The following TTC7B variants were observed in gnomAD, a reference collection of about 807,000 sequenced individuals.
TTC7B encodes the protein tetratricopeptide repeat domain 7B.
In TTC7B, 28 loss-of-function variants were observed where a neutral mutation model predicts 106.8. The ratio of observed to expected loss-of-function variants is 0.26; its 90% CI spans 0.19 to 0.36. TTC7B has a LOEUF of 0.36. Ranked by LOEUF, TTC7B falls within the 10% of genes least tolerant of loss-of-function variation. The probability of loss-of-function intolerance (pLI) is 1.00; values close to 1 mark genes in which losing one functional copy is unlikely to be tolerated. For synonymous variants in TTC7B, 405 were observed against 430.6 expected (o/e 0.94, Z 0.74); for missense variants, 862 against 1,076.4 (o/e 0.80, Z 2.79).
chr14:90,616,119 T>G (rs551884031), intron 16 of TTC7B, among the ~76,000 whole-genome samples: 1 of 152,238 alleles, frequency 6.6e-6, no homozygotes, highest in African/African-American at 2.4e-5. Context: ...TGTGGGGAAC[T>G]GAGGGGAAAT....
At chr14:90,812,385 T>C (rs1050244395) in intron 1 of TTC7B, among the ~76,000 whole-genome samples, 2 of 152,190 alleles carry the variant, frequency 1.3e-5, no homozygotes, top group African/African-American at 4.8e-5. Flanking sequence ...GAAGCTGATG[T>C]GCAGCTCTGT....
chr14:90,793,886 G>A (rs1354012690), intron 1 of TTC7B, among the ~76,000 whole-genome samples: 1 of 151,272 alleles, frequency 6.6e-6, no homozygotes, highest in Admixed American at 6.6e-5. Flanking sequence ...GGGATTATAG[G>A]CGTGAGCCAC....
At position 90,578,347 on chromosome 14, in the gene TTC7B, C is replaced by T. The variant is rs751174822; in HGVS notation, c.2108-39G>A. On this transcript the variant is annotated intron_variant, in intron 18 of 19. Coordinates refer to ENST00000328459, the MANE Select transcript of TTC7B (RefSeq NM_001010854.2). The surrounding 1 kb of genome is among the most constrained non-coding windows in gnomAD (Gnocchi z 4.7). ...GCAACGGCACATGCTTTCCTGGTGC[C>T]CCTCTGAGGCCCTGCGAGCAGCCAC... The T allele has an allele frequency of 1.0e-5, 16 of 1,591,738 alleles. No homozygotes were observed. The highest frequency in any genetic ancestry group is 1.3e-5 in the Non-Finnish European group (15 of 1,167,468).
Position 90,816,336 on chromosome 14 carries a change from A to ACCG in TTC7B, c.-44_-42dup, listed in dbSNP as rs1441473120. 19 of 946,734 alleles carry ACCG rather than the reference A, an allele frequency of 2.0e-5. No individual in the cohort carries two copies. The East Asian group carries it at 8.6e-4, about 43-fold the overall frequency. The allele number at this position is 946,734 out of a possible 1,614,324, so 58.6% of individuals were successfully genotyped here. On this transcript the variant is annotated 5_prime_UTR_variant, in exon 1 of 20. Coordinates refer to ENST00000328459, the MANE Select transcript of TTC7B (RefSeq NM_001010854.2). The stretch of plus-strand genomic sequence containing the variant: ...CCCGGCCGCCCGCCCCGCAGGCCCC[A>ACCG]CCGCCGCCGCCGCGGCGCCCCCTCG...
At chr14:90,748,585 C>T (rs7153915) in intron 3 of TTC7B, among the ~76,000 whole-genome samples, 6,181 of 152,142 alleles carry the variant, frequency 0.041, 334 homozygotes, top group African/African-American at 0.13. Context: ...TGTTGGCCTC[C>T]CAAAGTGCTG....
chr14:90,632,617 A>G (rs1184127498), intron 15 of TTC7B, among the ~76,000 whole-genome samples: 2 of 152,160 alleles, frequency 1.3e-5, no homozygotes, highest in African/African-American at 4.8e-5. Context: ...GTAATCCCCA[A>G]CATCTAGCAT....
chr14:90,791,818 C>A (rs1233620139), intron 1 of TTC7B, among the ~76,000 whole-genome samples: 1 of 151,996 alleles, frequency 6.6e-6, no homozygotes, highest in African/African-American at 2.4e-5. Context: ...ATCCCCAACA[C>A]CAGGAGCTGC....
intron 5 of TTC7B, among the ~76,000 whole-genome samples, chr14:90,709,600 T>C (rs546821280): frequency 1.3e-5 from 2 of 151,032 alleles, no homozygotes; most frequent in Non-Finnish European, 3.0e-5. Context: ...GACGAGTTAA[T>C]GGGTGCAGCA....
intron 19 of TTC7B, among the ~76,000 whole-genome samples, chr14:90,557,736 C>T (rs930625429): frequency 6.6e-6 from 1 of 152,262 alleles, no homozygotes; most frequent in Non-Finnish European, 1.5e-5. Flanking sequence ...TGCTCTGGTG[C>T]TGCCTGGGGT....
At position 90,786,298 on chromosome 14, in the gene TTC7B, G is replaced by C; in HGVS notation, c.152C>G (p.Ser51Trp). ...TTCCTTCAGGTACTGCTCCAGCTTC[G>C]ACTCCCCGAGGAGAAGCTCTGCCAT... ...DDMAELLLGE[S>W]KLEQYLKEHP... The change falls in exon 2 of 20, where the codon TCG (serine) becomes TGG (tryptophan). Residue 51 changes from serine to tryptophan, a missense_variant. Coordinates refer to ENST00000328459, the MANE Select transcript of TTC7B (RefSeq NM_001010854.2). 1 of 1,613,222 alleles carries C rather than the reference G, an allele frequency of 6.2e-7. No homozygotes were observed. Among genetic ancestry groups the C allele is most frequent in the Non-Finnish European group, 8.5e-7 (1 of 1,179,660 alleles).
At chr14:90,601,834 T>C (rs1285001575) in intron 17 of TTC7B, among the ~76,000 whole-genome samples, 1 of 152,092 alleles carries the variant, frequency 6.6e-6, no homozygotes, top group African/African-American at 2.4e-5. Flanking sequence ...ATAAGGGCGG[T>C]GTACATAGAA....
chr14:90,810,043 G>T (rs955172976), intron 1 of TTC7B, among the ~76,000 whole-genome samples: 35 of 152,182 alleles, frequency 2.3e-4, no homozygotes, highest in Non-Finnish European at 8.8e-5. Context: ...CTTACCTACA[G>T]TTTCTGAAAT....
intron 19 of TTC7B, among the ~76,000 whole-genome samples, chr14:90,552,513 G>GCCA (rs1890129798): frequency 6.6e-6 from 1 of 152,178 alleles, no homozygotes; most frequent in Non-Finnish European, 1.5e-5. Flanking sequence ...CTGTCACCAG[G>GCCA]TGGCCTCCAA....
At chr14:90,768,509 T>C (rs1275444298) in intron 3 of TTC7B, among the ~76,000 whole-genome samples, 1 of 152,142 alleles carries the variant, frequency 6.6e-6, no homozygotes, top group Non-Finnish European at 1.5e-5. Context: ...GGAATACAGA[T>C]CCCTCCCTCA....
chr14:90,697,379 G>A (rs1887797027), intron 5 of TTC7B: 1 of 147,364 alleles, frequency 6.8e-6, no homozygotes, highest in African/African-American at 2.7e-5. Context: ...GCCTGCTCAA[G>A]CTCACAGGCC....
In TTC7B at chr14:90,619,984, T is replaced by C. The variant is rs533839732; in HGVS notation, c.1752-1939A>G. On this transcript the variant is annotated intron_variant, in intron 15 of 19. Coordinates refer to ENST00000328459, the MANE Select transcript of TTC7B (RefSeq NM_001010854.2). The stretch of plus-strand genomic sequence containing the variant: ...AAAGGTACCTTAGAGGAGGAAAGTC[T>C]CTTTTTCATGTGTGAGAGGTGGAAT... Among the ~76,000 whole-genome samples the C allele has an allele frequency of 3.3e-5, 5 of 152,288 alleles. No homozygotes were observed. In the South Asian group the frequency reaches 1.0e-3, roughly 32 times the overall value.
intron 15 of TTC7B, among the ~76,000 whole-genome samples, chr14:90,627,502 G>C (rs1315509048): frequency 6.6e-6 from 1 of 152,212 alleles, no homozygotes; most frequent in Non-Finnish European, 1.5e-5. Flanking sequence ...CAGGGCCAAA[G>C]TATGATGAGG....
intron 19 of TTC7B, among the ~76,000 whole-genome samples, chr14:90,555,956 C>T (rs1387431673): frequency 6.6e-6 from 1 of 152,236 alleles, no homozygotes. Context: ...AATCCCGGTG[C>T]CCCGGGGTCC....
intron 19 of TTC7B, among the ~76,000 whole-genome samples, chr14:90,565,962 A>C (rs1373618752): frequency 6.6e-6 from 1 of 152,200 alleles, no homozygotes. Context: ...ATCAAAGATC[A>C]CAACAGATGT....
Sources: gnomAD v4.1 joint callset for allele counts (sites outside exome capture counted in the v4.1 genomes callset) on GRCh38, gnomAD v4.1.1 for gene constraint, Gnocchi (gnomAD v3.1) non-coding constraint, MANE v1.5 for transcripts, NCBI Gene and HGNC (gene_info 2026-07-23, HGNC 2026-07-21) for gene names.